IGSF21: variants seen among roughly 807,000 people sequenced by gnomAD.
The protein encoded by IGSF21 is immunoglobin superfamily member 21, also known as immunoglobulin superfamily member 21.
IGSF21 carries 28 observed loss-of-function variants against 46.8 expected under a neutral mutation model. That is an observed-to-expected ratio of 0.60 (90% confidence interval 0.44 to 0.82). The LOEUF (loss-of-function observed/expected upper bound fraction) is 0.82. Ranked by LOEUF, IGSF21 falls within the 40% of genes least tolerant of loss-of-function variation. The pLI, the probability that IGSF21 is intolerant of heterozygous loss-of-function variation, is 0.00. For synonymous variants in IGSF21, 284 were observed against 273.6 expected, an observed-to-expected ratio of 1.04 and a Z score of -0.38; for missense variants, 624 against 665.5, an observed-to-expected ratio of 0.94 and a Z score of 0.69.
At chr1:18,175,231 T>C (rs1163652010) in intron 1 of IGSF21, among the ~76,000 whole-genome samples, 1 of 152,220 alleles carries the variant, frequency 6.6e-6, no homozygotes, top group Non-Finnish European at 1.5e-5. Context: ...CTTGGACAAG[T>C]CACTTCCCCT....
Position 18,335,683 on chromosome 1 carries a change from TTGACTC to T in IGSF21, c.424+674_424+679del, listed in dbSNP as rs1390714669. The stretch of plus-strand genomic sequence containing the variant: ...TTGCAAGGATGCTGGGGACTTGGCC[TTGACTC>T]CAGACTCTGTGTTCTCCGGTTTTCT... On this transcript the variant is annotated intron_variant, in intron 4 of 9. Coordinates refer to ENST00000251296, the MANE Select transcript of IGSF21 (RefSeq NM_032880.5). The surrounding 1 kb of genome is among the most constrained non-coding windows in gnomAD (Gnocchi z 4.8). 6.6e-6 allele frequency among the ~76,000 whole-genome samples: 1 copy of T among 152,210 alleles called. No homozygotes were observed. The highest frequency in any genetic ancestry group is 1.5e-5 in the Non-Finnish European group (1 of 68,036).
chr1:18,128,085 C>G (rs180755166), intron 1 of IGSF21, among the ~76,000 whole-genome samples: 78 of 152,158 alleles, frequency 5.1e-4, no homozygotes, highest in Non-Finnish European at 9.6e-4. Flanking sequence ...TTAGCTAATA[C>G]TAATGGATAA....
intron 1 of IGSF21, among the ~76,000 whole-genome samples, chr1:18,131,755 T>G (rs777717139): frequency 6.6e-6 from 1 of 152,180 alleles, no homozygotes; most frequent in Non-Finnish European, 1.5e-5. Context: ...CTGGGGCACA[T>G]AGTCCTTTCC....
intron 1 of IGSF21, among the ~76,000 whole-genome samples, chr1:18,218,217 G>A (rs2084472564): frequency 6.6e-6 from 1 of 152,168 alleles, no homozygotes; most frequent in African/African-American, 2.4e-5. Context: ...CATCTTACAT[G>A]GCTGGAGCAG....
chr1:18,324,185 G>C (rs929838290), intron 3 of IGSF21, among the ~76,000 whole-genome samples: 2 of 152,212 alleles, frequency 1.3e-5, no homozygotes, highest in African/African-American at 4.8e-5. Context: ...CCCAGGCAGT[G>C]GGCTCCCAGC....
rs141231275 is a variant in IGSF21, at chr1:18,365,425, G to T, written c.743G>T (p.Arg248Leu). 1 of 1,613,766 alleles carries T rather than the reference G, an allele frequency of 6.2e-7. No individual in the cohort carries two copies. Among genetic ancestry groups the T allele is most frequent in the Non-Finnish European group, 8.5e-7 (1 of 1,179,970 alleles). ...GGRPYTERPS[R>L]GLTPDPNILL... ...CGACCCTACACGGAGCGCCCCTCCC[G>T]TGGCCTGACCCCAGATCCCAACATC... Residue 248 changes from arginine to leucine, a missense_variant, in exon 6 of 10, where the codon CGT (arginine) becomes CTT (leucine). Physicochemically the swap from Arg to Leu is moderately radical, Grantham distance 102. Transcript: ENST00000251296. This position sits in a 1 kb window ranked among gnomAD's most constrained non-coding sequence, Gnocchi z 4.8.
intron 1 of IGSF21, among the ~76,000 whole-genome samples, chr1:18,159,052 G>T (rs1032690703): frequency 1.3e-5 from 2 of 152,176 alleles, no homozygotes; most frequent in Non-Finnish European, 2.9e-5. Context: ...GAGAGTCTCT[G>T]CCTTGGGTTT....
chr1:18,273,091 G>A (rs1270940731), intron 2 of IGSF21, among the ~76,000 whole-genome samples: 1 of 141,090 alleles, frequency 7.1e-6, no homozygotes, highest in Non-Finnish European at 1.5e-5. Context: ...TGTTGCCCAG[G>A]CTGGAGTGCA....
At chr1:18,152,209 GCTC>G (rs2086527222) in intron 1 of IGSF21, among the ~76,000 whole-genome samples, 1 of 152,202 alleles carries the variant, frequency 6.6e-6, no homozygotes. Flanking sequence ...CATCCACAGT[GCTC>G]CTGCCCTCCT....
chr1:18,303,953 G>C (rs1409976108), intron 3 of IGSF21, among the ~76,000 whole-genome samples: 1 of 152,196 alleles, frequency 6.6e-6, no homozygotes, highest in Non-Finnish European at 1.5e-5. Context: ...AGAGTGATGA[G>C]GAGTCATTGA....
intron 1 of IGSF21, among the ~76,000 whole-genome samples, chr1:18,136,319 A>T (rs1478061638): frequency 1.3e-5 from 2 of 152,174 alleles, no homozygotes; most frequent in Non-Finnish European, 2.9e-5. Context: ...TGTTTTAGAC[A>T]TGAAGTCCTT....
chr1:18,344,017 G>A (rs1007949672), intron 4 of IGSF21, among the ~76,000 whole-genome samples: 1 of 152,330 alleles, frequency 6.6e-6, no homozygotes, highest in Non-Finnish European at 1.5e-5. Flanking sequence ...AATGAAGGCT[G>A]AGTCTACTTC....
Position 18,322,339 on chromosome 1 carries a change from G to A in IGSF21, c.306-12553G>A, listed in dbSNP as rs72938707. 8.0e-4 allele frequency among the ~76,000 whole-genome samples: 122 copies of A among 152,224 alleles called. No individual in the cohort carries two copies. The highest frequency in any genetic ancestry group is 2.8e-3 in the African/African-American group (116 of 41,556). On this transcript the variant is annotated intron_variant, in intron 3 of 9. Coordinates refer to ENST00000251296, the MANE Select transcript of IGSF21 (RefSeq NM_032880.5). This position sits in a 1 kb window ranked among gnomAD's most constrained non-coding sequence, Gnocchi z 4.3. ...GTTGAGGAAGTCCGGGAAACCCAGAGGCAGCCACCTTCCACGCCCGTCTTC... is the reference window on the plus strand; with the variant it reads ...GTTGAGGAAGTCCGGGAAACCCAGAAGCAGCCACCTTCCACGCCCGTCTTC...
intron 1 of IGSF21, among the ~76,000 whole-genome samples, chr1:18,133,652 C>T (rs979923373): frequency 6.6e-6 from 1 of 152,260 alleles, no homozygotes; most frequent in Non-Finnish European, 1.5e-5. Flanking sequence ...CAACAGTCTG[C>T]CCCATGGCAC....
intron 2 of IGSF21, among the ~76,000 whole-genome samples, chr1:18,272,441 C>A (rs571869643): frequency 6.6e-6 from 1 of 152,228 alleles, no homozygotes; most frequent in Non-Finnish European, 1.5e-5. Flanking sequence ...GGAATAAGAG[C>A]CCTGCTTCCT....
intron 5 of IGSF21, among the ~76,000 whole-genome samples, chr1:18,362,441 A>G (rs1009098069): frequency 1.3e-5 from 2 of 152,230 alleles, no homozygotes; most frequent in Admixed American, 6.5e-5. Flanking sequence ...CCCCATGCTG[A>G]GAACCCCCAC....
intron 4 of IGSF21, among the ~76,000 whole-genome samples, chr1:18,355,088 A>T (rs1156912539): frequency 6.6e-6 from 1 of 152,222 alleles, no homozygotes; most frequent in African/African-American, 2.4e-5. Context: ...TTGGGAGCAG[A>T]GCCTGGGCTA....
intron 1 of IGSF21, among the ~76,000 whole-genome samples, chr1:18,190,658 G>C (rs553766131): frequency 3.5e-4 from 53 of 152,172 alleles, no homozygotes; most frequent in Non-Finnish European, 6.0e-4. Flanking sequence ...TTCATCTCTG[G>C]TCCCTCTTTC....
intron 2 of IGSF21, among the ~76,000 whole-genome samples, chr1:18,267,986 C>T (rs1384609186): frequency 1.3e-5 from 2 of 152,226 alleles, no homozygotes; most frequent in Admixed American, 6.5e-5. Flanking sequence ...CCAATCCTTG[C>T]TCTATCTAGA....
Sources: gnomAD v4.1 joint callset for allele counts (sites outside exome capture counted in the v4.1 genomes callset) on GRCh38, gnomAD v4.1.1 for gene constraint, Gnocchi (gnomAD v3.1) non-coding constraint, MANE v1.5 for transcripts, NCBI Gene and HGNC (gene_info 2026-07-23, HGNC 2026-07-21) for gene names.